TESK2: variants seen among roughly 807,000 people sequenced by gnomAD.
The protein encoded by TESK2 is testis associated actin remodelling kinase 2.
TESK2 carries 39 observed loss-of-function variants against 57.1 expected under a neutral mutation model. That is an observed-to-expected ratio of 0.68 (90% CI 0.53 to 0.89). The LOEUF (loss-of-function observed/expected upper bound fraction) is 0.89, where lower values mean the gene tolerates loss of function less well. Ranked by LOEUF, TESK2 falls within the 40% of genes least tolerant of loss-of-function variation. TESK2 has a pLI of 0.00. For missense variants in TESK2, 646 were observed against 732.1 expected (o/e 0.88, Z 1.36); for synonymous variants, 249 against 267.9 (o/e 0.93, Z 0.69).
Position 45,347,969 on chromosome 1 carries a change from T to C in TESK2, c.572A>G (p.Tyr191Cys). 6.2e-7 allele frequency: 1 copy of C among 1,613,560 alleles called. No homozygotes were observed. Among genetic ancestry groups the C allele is most frequent in the Admixed American group, 1.7e-5 (1 of 60,014 alleles). The part of the protein sequence containing the change: ...NCLIKRDENG[Y>C]SAVVADFGLA... ...GCCAAAGTCAGCTACCACTGCAGAG[T>C]AACCATTCTCATCCCTCTTTATCAG... The change falls in exon 6 of 11, where the codon TAC (tyrosine) becomes TGC (cysteine). Residue 191 changes from tyrosine to cysteine, a missense_variant. Tyr to Cys is a radical substitution (Grantham distance 194). Coordinates refer to ENST00000372086, the MANE Select transcript of TESK2 (RefSeq NM_007170.3).
At chr1:45,434,150 C>T in intron 2 of TESK2, among the ~76,000 whole-genome samples, 1 of 152,038 alleles carries the variant, frequency 6.6e-6, no homozygotes, top group East Asian at 1.9e-4. Context: ...TGTGCCAGCA[C>T]ACCCAGTTAA....
At chr1:45,417,483 G>A (rs1397690278) in intron 3 of TESK2, among the ~76,000 whole-genome samples, 7 of 152,074 alleles carry the variant, frequency 4.6e-5, no homozygotes, top group Admixed American at 6.5e-5. Flanking sequence ...CACCTGCCTC[G>A]GCCTTCCAAG....
intron 2 of TESK2, among the ~76,000 whole-genome samples, chr1:45,454,804 A>G (rs777497998): frequency 6.6e-6 from 1 of 152,214 alleles, no homozygotes; most frequent in Non-Finnish European, 1.5e-5. Context: ...ACACAATGCA[A>G]TATTAGCCAT....
intron 2 of TESK2, among the ~76,000 whole-genome samples, chr1:45,440,159 C>T (rs553496860): frequency 2.0e-5 from 3 of 152,084 alleles, no homozygotes; most frequent in East Asian, 3.9e-4. Flanking sequence ...ACCAAGTTGA[C>T]CAGGCTGATC....
chr1:45,438,783 A>ATTTGG (rs1280163070), intron 2 of TESK2, among the ~76,000 whole-genome samples: 1 of 152,158 alleles, frequency 6.6e-6, no homozygotes, highest in Non-Finnish European at 1.5e-5. Context: ...AATATGCAGT[A>ATTTGG]TTTGGTTTGA....
chr1:45,357,593 G>C (rs976791710), intron 4 of TESK2, among the ~76,000 whole-genome samples: 2 of 151,798 alleles, frequency 1.3e-5, no homozygotes, highest in East Asian at 3.9e-4. Flanking sequence ...AGTGAATAAG[G>C]CTGGGCACGG....
At chr1:45,367,087 T>C (rs897520540) in intron 4 of TESK2, among the ~76,000 whole-genome samples, 5 of 151,996 alleles carry the variant, frequency 3.3e-5, no homozygotes, top group African/African-American at 1.2e-4. Flanking sequence ...TGAGCCAACA[T>C]TGCAACACTG....
At position 45,384,308 on chromosome 1, in the gene TESK2, C is replaced by T. The variant is rs182106862; in HGVS notation, c.393+1604G>A. 2.1e-3 allele frequency among the ~76,000 whole-genome samples: 320 copies of T among 151,972 alleles called. 2 individuals are homozygous for T. The highest frequency in any genetic ancestry group is 2.0e-3 in the Non-Finnish European group (136 of 68,016). On this transcript the variant is annotated intron_variant, in intron 4 of 10. Coordinates refer to ENST00000372086, the MANE Select transcript of TESK2 (RefSeq NM_007170.3). ...TTCATTCATTCATCTATCTATCTAT[C>T]GACAGGGTCTCACTCTATGTATGTA...
At chr1:45,399,006 A>AAC (rs1214089782) in intron 3 of TESK2, 2 of 428,210 alleles carry the variant, frequency 4.7e-6, no homozygotes, top group Admixed American at 5.5e-5. Flanking sequence ...AAAAAAAAAA[A>AAC]ACAAGCCTTT....
At chr1:45,467,045 T>A (rs1188665775) in intron 1 of TESK2, among the ~76,000 whole-genome samples, 1 of 152,038 alleles carries the variant, frequency 6.6e-6, no homozygotes, top group African/African-American at 2.4e-5. Context: ...CATAATAGTA[T>A]TTGCCTCAGG....
chr1:45,399,140 A>ATT (rs753087306), intron 3 of TESK2, among the ~76,000 whole-genome samples: 1,553 of 99,718 alleles, frequency 0.016, 176 homozygotes, highest in African/African-American at 0.058. Flanking sequence ...AAAAGTTGAA[A>ATT]TTTTTTTTTT....
At chr1:45,419,182 T>C (rs1650362713) in intron 3 of TESK2, among the ~76,000 whole-genome samples, 1 of 152,092 alleles carries the variant, frequency 6.6e-6, no homozygotes, top group African/African-American at 2.4e-5. Context: ...TTCACCATGT[T>C]GGCCAGGATG....
At chr1:45,402,081 T>TA (rs1425331482) in intron 3 of TESK2, among the ~76,000 whole-genome samples, 285 of 142,520 alleles carry the variant, frequency 2.0e-3, no homozygotes, top group African/African-American at 3.0e-3. Context: ...TAATAACCAT[T>TA]AAAAAAAAAG....
rs1377106349 is a variant in TESK2, at chr1:45,345,767, A to T, written c.997+110T>A. 5.0e-6 allele frequency: 5 copies of T among 998,282 alleles called. No homozygotes were observed. The East Asian group carries it at 1.2e-4, about 24-fold the overall frequency. The allele number at this position is 998,282 out of a possible 1,614,324, so 61.8% of individuals were successfully genotyped here. ...TTCTGCATCATCTCCTTCCCCTCCC[A>T]TTTGTTTCTGGACCTGGGATCCTGG... On this transcript the variant is annotated intron_variant, in intron 10 of 10. Transcript: ENST00000372086.
At chr1:45,469,118 A>G (rs1159937632) in intron 1 of TESK2, among the ~76,000 whole-genome samples, 1 of 152,194 alleles carries the variant, frequency 6.6e-6, no homozygotes, top group Non-Finnish European at 1.5e-5. Flanking sequence ...TTCACAAAGA[A>G]AATACAACTA....
chr1:45,378,537 T>C (rs769774882), intron 4 of TESK2, among the ~76,000 whole-genome samples: 3 of 152,192 alleles, frequency 2.0e-5, no homozygotes, highest in Admixed American at 6.5e-5. Flanking sequence ...AGGAGTACCA[T>C]GGCACCAGAT....
intron 4 of TESK2, among the ~76,000 whole-genome samples, chr1:45,361,481 T>C (rs200450275): frequency 2.0e-5 from 3 of 152,216 alleles, no homozygotes; most frequent in Non-Finnish European, 4.4e-5. Flanking sequence ...TCAGTGGCTG[T>C]TACCTTTTTC....
At chr1:45,457,984 A>G in intron 1 of TESK2, 113 bp from the exon 2 acceptor site, 1 of 548,710 alleles carries the variant, frequency 1.8e-6, no homozygotes, top group Non-Finnish European at 3.2e-6. Context: ...TGGTTTTCAG[A>G]TCTAAAAAAT....
intron 1 of TESK2, among the ~76,000 whole-genome samples, chr1:45,473,997 C>A (rs1045740660): frequency 6.6e-6 from 1 of 151,890 alleles, no homozygotes; most frequent in Admixed American, 6.6e-5. Context: ...GACTACCAGA[C>A]AATAGTAGAA....
Sources: allele counts gnomAD v4.1 joint callset (sites outside exome capture counted in the v4.1 genomes callset), GRCh38; gene constraint gnomAD v4.1.1; transcripts MANE v1.5; gene names NCBI Gene and HGNC (gene_info 2026-07-23, HGNC 2026-07-21).